The following NDRG2 variants were observed in gnomAD, a reference collection of about 807,000 sequenced individuals.
The protein encoded by NDRG2 is NDRG family member 2, also known as protein NDRG2.
A neutral mutation model predicts 58.2 loss-of-function variants in NDRG2; 34 were observed. The ratio of observed to expected loss-of-function variants is 0.58; its 90% CI spans 0.44 to 0.78. The LOEUF (loss-of-function observed/expected upper bound fraction) is 0.78, where lower values mean the gene tolerates loss of function less well. Ranked by LOEUF, NDRG2 falls within the 30% of genes least tolerant of loss-of-function variation. The probability of loss-of-function intolerance (pLI) is 0.00; values close to 1 mark genes in which losing one functional copy is unlikely to be tolerated. For synonymous variants in NDRG2, 187 were observed against 175.9 expected, an observed-to-expected ratio of 1.06 and a Z score of -0.50; for missense variants, 434 against 471.2, an observed-to-expected ratio of 0.92 and a Z score of 0.73.
intron 1 of NDRG2, among the ~76,000 whole-genome samples, chr14:21,056,423 A>G (rs1885676380): frequency 6.6e-6 from 1 of 152,220 alleles, no homozygotes; most frequent in African/African-American, 2.4e-5. Context: ...AGAAGTAAAA[A>G]TAAATGTAAT....
At chr14:21,019,478 A>G in intron 10 of NDRG2, 161 bp downstream of exon 10, 1 of 619,084 alleles carries the variant, frequency 1.6e-6, no homozygotes, top group African/African-American at 1.8e-5. Context: ...AATCCTTCCC[A>G]CTGACTCTGT....
intron 1 of NDRG2, among the ~76,000 whole-genome samples, chr14:21,053,758 C>T (rs1459411065): frequency 2.6e-5 from 4 of 152,216 alleles, no homozygotes; most frequent in African/African-American, 7.2e-5. Context: ...GAGCCATGAT[C>T]GTGCCACTGC....
chr14:21,032,119 T>C, intron 1 of NDRG2: 1 of 1,582,938 alleles, frequency 6.3e-7, no homozygotes, highest in Non-Finnish European at 8.7e-7. Context: ...TGACCCTGCA[T>C]GTTTAACACC....
chr14:21,029,559 T>C (rs914386603), upstream of NDRG2, among the ~76,000 whole-genome samples: 2 of 152,078 alleles, frequency 1.3e-5, no homozygotes, highest in Admixed American at 1.3e-4. Flanking sequence ...ATCATGCCAC[T>C]GCATTTCAGC....
intron 1 of NDRG2, chr14:21,032,153 A>C: frequency 4.8e-6 from 7 of 1,458,162 alleles, no homozygotes; most frequent in Non-Finnish European, 6.7e-6. Flanking sequence ...AACAATAAAC[A>C]TCTGTGTGTG....
chr14:21,045,847 T>A (rs972795340), intron 1 of NDRG2, among the ~76,000 whole-genome samples: 2 of 152,176 alleles, frequency 1.3e-5, no homozygotes, highest in African/African-American at 2.4e-5. Flanking sequence ...TGGGGAAGTA[T>A]AACTGTGAAG....
intron 1 of NDRG2, among the ~76,000 whole-genome samples, chr14:21,063,218 A>T (rs1394107794): frequency 6.7e-6 from 1 of 149,744 alleles, no homozygotes; most frequent in African/African-American, 2.5e-5. Flanking sequence ...AGTGGTGTGT[A>T]TGTGTGTGTG....
At chr14:21,022,530 C>T in intron 3 of NDRG2, 33 bp from the exon 4 acceptor site, 1 of 1,538,194 alleles carries the variant, frequency 6.5e-7, no homozygotes, top group Non-Finnish European at 9.0e-7. Context: ...GAGCTAGGCT[C>T]AGAGGAGACG....
At chr14:21,029,002 C>A (rs1883882874), upstream of NDRG2, 1 of 152,174 alleles carries the variant, frequency 6.6e-6, no homozygotes, top group African/African-American at 2.4e-5. Flanking sequence ...AGAGAGAAAA[C>A]CCTGAGGAAC....
chr14:21,055,647 G>C (rs774941842), intron 1 of NDRG2, among the ~76,000 whole-genome samples: 1 of 152,226 alleles, frequency 6.6e-6, no homozygotes, highest in Admixed American at 6.5e-5. Context: ...TTTGGAATCA[G>C]AGCTTGCAAA....
intron 1 of NDRG2, chr14:21,042,357 C>T: frequency 6.6e-6 from 1 of 152,124 alleles, no homozygotes; most frequent in Non-Finnish European, 1.4e-5. Context: ...TGAGAAGAGG[C>T]CCTCAGAGAT....
At chr14:21,035,698 C>A in intron 1 of NDRG2, 1 of 446,774 alleles carries the variant, frequency 2.2e-6, no homozygotes, top group Non-Finnish European at 4.5e-6. Flanking sequence ...TCATGTAGAG[C>A]CCCCTAAACT....
chr14:21,037,335 G>A (rs995935716), intron 1 of NDRG2, among the ~76,000 whole-genome samples: 19 of 152,234 alleles, frequency 1.2e-4, no homozygotes, highest in African/African-American at 4.3e-4. Flanking sequence ...GGTGTCATGT[G>A]CTCCGTAAGC....
At chr14:21,057,910 AG>A (rs1885750898) in intron 1 of NDRG2, 1 of 1,613,826 alleles carries the variant, frequency 6.2e-7, no homozygotes, top group African/African-American at 1.3e-5. Flanking sequence ...CGGCCAGAGC[AG>A]GATGCTGCCC....
At chr14:21,066,032 C>G (rs956306766) in intron 1 of NDRG2, among the ~76,000 whole-genome samples, 2 of 152,032 alleles carry the variant, frequency 1.3e-5, no homozygotes, top group African/African-American at 4.8e-5. Context: ...CTGGGAGGTA[C>G]AGGTTGCAGT....
intron 1 of NDRG2, among the ~76,000 whole-genome samples, chr14:21,059,940 A>T (rs987614012): frequency 6.6e-6 from 1 of 152,146 alleles, no homozygotes; most frequent in African/African-American, 2.4e-5. Context: ...CTACATACCA[A>T]CATAAGGCAC....
rs78798257 is a variant in NDRG2 at position 21,021,538 on chromosome 14, C to T, written c.407+279G>A. 2.3e-3 allele frequency: 1,064 copies of T among 456,476 alleles called. 10 individuals carry two copies. Among genetic ancestry groups the T allele is most frequent in the African/African-American group, 0.019 (972 of 51,034 alleles). 28.3% of individuals were successfully genotyped at this position (456,476 alleles called of 1,614,324 possible). ...ATTATGTCACCCCCTTTCATTCCTC[C>T]CTGACTTTCTGATCAGAGAAGGCCC... On this transcript the variant is annotated intron_variant, in intron 6 of 15. Coordinates refer to ENST00000556147, the MANE Select transcript of NDRG2 (RefSeq NM_001320329.2).
chr14:21,036,619 T>C (rs1884644850), intron 1 of NDRG2, among the ~76,000 whole-genome samples: 1 of 152,192 alleles, frequency 6.6e-6, no homozygotes. Flanking sequence ...CCTGCCCATG[T>C]GTACAACTGC....
intron 1 of NDRG2, chr14:21,031,174 C>G: frequency 6.2e-7 from 1 of 1,612,592 alleles, no homozygotes; most frequent in Non-Finnish European, 8.5e-7. Flanking sequence ...CTGTGAGTGA[C>G]AGCCTTCATC....
Sources: gnomAD v4.1 joint callset for allele counts (sites outside exome capture counted in the v4.1 genomes callset) on GRCh38, gnomAD v4.1.1 for gene constraint, MANE v1.5 for transcripts, NCBI Gene and HGNC (gene_info 2026-07-23, HGNC 2026-07-21) for gene names.